The following C1QTNF3 variants were observed in gnomAD, a reference collection of about 807,000 sequenced individuals.
C1QTNF3 encodes C1q and TNF related 3, also known as complement C1q tumor necrosis factor-related protein 3.
C1QTNF3 carries 26 observed loss-of-function variants against 32.6 expected under a neutral mutation model. The ratio of observed to expected loss-of-function variants is 0.80; its 90% CI spans 0.58 to 1.11. The LOEUF (loss-of-function observed/expected upper bound fraction) is 1.11. Among genes scored for constraint, C1QTNF3 ranks in the 50% least tolerant of loss-of-function variants. The pLI is 0.00. For missense variants in C1QTNF3, 362 were observed against 398.2 expected, an observed-to-expected ratio of 0.91 and a Z score of 0.77; for synonymous variants, 155 against 146.0, an observed-to-expected ratio of 1.06 and a Z score of -0.44.
chr5:34,053,516 T>A, the C1QTNF3 span, among the ~76,000 whole-genome samples: 1 of 151,978 alleles, frequency 6.6e-6, no homozygotes. Flanking sequence ...AGTCAAATGC[T>A]CATGCTCCAT....
intron 3 of C1QTNF3, among the ~76,000 whole-genome samples, chr5:34,031,084 TA>T (rs750464810): frequency 4.6e-5 from 7 of 151,354 alleles, no homozygotes; most frequent in Non-Finnish European, 8.8e-5. Flanking sequence ...GAACTTAGAA[TA>T]AAAGTTAAAA....
chr5:34,178,265 C>A, the C1QTNF3 span, among the ~76,000 whole-genome samples: 145 of 152,282 alleles, frequency 9.5e-4, no homozygotes, highest in African/African-American at 3.3e-3. Flanking sequence ...TGGGTGACAA[C>A]TGAAACTCCT....
chr5:34,129,014 G>C, the C1QTNF3 span, among the ~76,000 whole-genome samples: 2 of 152,066 alleles, frequency 1.3e-5, no homozygotes, highest in East Asian at 1.9e-4. Flanking sequence ...ACATGTTGGG[G>C]GAGGGGCCTG....
At chr5:34,024,924 T>C (rs990127581) in intron 4 of C1QTNF3, among the ~76,000 whole-genome samples, 1 of 152,244 alleles carries the variant, frequency 6.6e-6, no homozygotes, top group African/African-American at 2.4e-5. Context: ...TTTAAACTAA[T>C]GGCCTTTCAA....
chr5:34,063,836 T>A, the C1QTNF3 span, among the ~76,000 whole-genome samples: 1 of 152,022 alleles, frequency 6.6e-6, no homozygotes, highest in Non-Finnish European at 1.5e-5. Flanking sequence ...AGGAAGTAGG[T>A]TCAGAGGTAA....
At chr5:34,144,313 TA>T in the C1QTNF3 span, among the ~76,000 whole-genome samples, 1 of 152,210 alleles carries the variant, frequency 6.6e-6, no homozygotes, top group African/African-American at 2.4e-5. Context: ...AGCCACACAT[TA>T]ATAGTGGAAG....
chr5:34,117,148 CTA>C, the C1QTNF3 span, among the ~76,000 whole-genome samples: 1 of 152,018 alleles, frequency 6.6e-6, no homozygotes, highest in African/African-American at 2.4e-5. Context: ...ATCCATATTT[CTA>C]TCTCTTTCTA....
At chr5:34,197,460 C>A in the C1QTNF3 span, among the ~76,000 whole-genome samples, 1 of 152,150 alleles carries the variant, frequency 6.6e-6, no homozygotes, top group African/African-American at 2.4e-5. Context: ...TTTTTACGGT[C>A]AATCAATGGT....
the C1QTNF3 span, among the ~76,000 whole-genome samples, chr5:34,132,435 G>GTGTATGTATATATATATA: frequency 7.3e-6 from 1 of 137,742 alleles, no homozygotes; most frequent in Non-Finnish European, 1.5e-5. Flanking sequence ...GTATGTGTAT[G>GTGTATGTATATATATATA]TATATATATA....
At chr5:34,071,348 C>T in the C1QTNF3 span, among the ~76,000 whole-genome samples, 567 of 151,960 alleles carry the variant, frequency 3.7e-3, 7 homozygotes, top group Middle Eastern at 0.017. Context: ...ATTATGTATA[C>T]GTATATACTA....
At chr5:34,216,229 T>C in the C1QTNF3 span, among the ~76,000 whole-genome samples, 1 of 152,198 alleles carries the variant, frequency 6.6e-6, no homozygotes, top group Non-Finnish European at 1.5e-5. Context: ...AAATTAGGAA[T>C]ATATCTTTCT....
chr5:34,066,364 T>C, the C1QTNF3 span, among the ~76,000 whole-genome samples: 1 of 152,208 alleles, frequency 6.6e-6, no homozygotes, highest in African/African-American at 2.4e-5. Context: ...ACCTACTGTA[T>C]CAAAATGATC....
the C1QTNF3 span, among the ~76,000 whole-genome samples, chr5:34,227,433 T>A: frequency 6.6e-6 from 1 of 152,064 alleles, no homozygotes; most frequent in East Asian, 1.9e-4. Flanking sequence ...TATTTCATTG[T>A]ATTAAATGAT....
chr5:34,234,446 C>A, the C1QTNF3 span, among the ~76,000 whole-genome samples: 7 of 152,156 alleles, frequency 4.6e-5, no homozygotes, highest in African/African-American at 1.2e-4. Flanking sequence ...AAATTCACTT[C>A]TCTTCACTGT....
At chr5:34,047,915 T>C (rs1381587052), upstream of C1QTNF3, among the ~76,000 whole-genome samples, 1 of 152,176 alleles carries the variant, frequency 6.6e-6, no homozygotes, top group African/African-American at 2.4e-5. Context: ...GGGTTCACCT[T>C]GCCACCAGTA....
At chr5:34,176,866 T>C in the C1QTNF3 span, among the ~76,000 whole-genome samples, 1 of 151,392 alleles carries the variant, frequency 6.6e-6, no homozygotes, top group East Asian at 1.9e-4. Flanking sequence ...CATGAATGAA[T>C]GAATGAATGA....
At chr5:34,210,314 T>C in the C1QTNF3 span, among the ~76,000 whole-genome samples, 5 of 152,070 alleles carry the variant, frequency 3.3e-5, no homozygotes, top group Admixed American at 3.3e-4. Flanking sequence ...TGGCACATAC[T>C]ACGTCATAGG....
the C1QTNF3 span, among the ~76,000 whole-genome samples, chr5:34,123,437 A>C: frequency 6.6e-6 from 1 of 152,100 alleles, no homozygotes; most frequent in African/African-American, 2.4e-5. Context: ...TGTGTATTTT[A>C]GTTCCTTGCA....
the C1QTNF3 span, among the ~76,000 whole-genome samples, chr5:34,065,855 T>C: frequency 2.6e-5 from 4 of 152,124 alleles, no homozygotes; most frequent in Admixed American, 6.6e-5. Flanking sequence ...AAACAGATCA[T>C]TATACCAAAA....
Sources: allele counts gnomAD v4.1 joint callset (sites outside exome capture counted in the v4.1 genomes callset), GRCh38; gene constraint gnomAD v4.1.1; transcripts MANE v1.5; gene names NCBI Gene and HGNC (gene_info 2026-07-23, HGNC 2026-07-21).